CAMK2D: variants seen among roughly 807,000 people sequenced by gnomAD.
CAMK2D encodes calcium/calmodulin-dependent protein kinase type II subunit delta.
In CAMK2D, 37 loss-of-function variants were observed where a neutral mutation model predicts 84.0. That is an observed-to-expected ratio of 0.44 (90% CI 0.34 to 0.58). CAMK2D has a LOEUF of 0.58. Ranked by LOEUF, CAMK2D falls within the 20% of genes least tolerant of loss-of-function variation. The pLI is 0.02. For missense variants in CAMK2D, 448 were observed against 652.5 expected (o/e 0.69, Z 3.41); for synonymous variants, 202 against 212.5 (o/e 0.95, Z 0.43).
chr4:113,759,445 A>C, intron 1 of CAMK2D, 31 bp from the exon 2 acceptor site: 3 of 1,244,302 alleles, frequency 2.4e-6, no homozygotes, highest in Non-Finnish European at 3.4e-6. Context: ...GGTCATTAAT[A>C]TAACAGATAT....
At chr4:113,661,898 G>T (rs1326281193) in intron 2 of CAMK2D, 126 bp from the exon 3 acceptor site, 1 of 589,768 alleles carries the variant, frequency 1.7e-6, no homozygotes, top group Non-Finnish European at 3.1e-6. Flanking sequence ...TTGAAACAAT[G>T]ATAATTCAAA....
At chr4:113,611,961 A>G (rs2099002159) in intron 3 of CAMK2D, among the ~76,000 whole-genome samples, 1 of 152,152 alleles carries the variant, frequency 6.6e-6, no homozygotes, top group Non-Finnish European at 1.5e-5. Context: ...TGGGATTAAT[A>G]TATACATATT....
At chr4:113,496,112 A>G (rs1402939151) in intron 16 of CAMK2D, among the ~76,000 whole-genome samples, 2 of 152,192 alleles carry the variant, frequency 1.3e-5, no homozygotes, top group East Asian at 1.9e-4. Context: ...CGGTCTTCAC[A>G]TGTATACAGT....
intron 2 of CAMK2D, among the ~76,000 whole-genome samples, chr4:113,698,875 C>A (rs1273614739): frequency 6.6e-6 from 1 of 152,050 alleles, no homozygotes; most frequent in East Asian, 1.9e-4. Flanking sequence ...AGCAATTTCA[C>A]TTTGGAGAGT....
intron 2 of CAMK2D, among the ~76,000 whole-genome samples, chr4:113,716,247 A>T (rs1156279356): frequency 1.3e-5 from 2 of 152,090 alleles, no homozygotes; most frequent in Non-Finnish European, 2.9e-5. Flanking sequence ...ACAGTATTGT[A>T]CAAAAAAAAG....
intron 4 of CAMK2D, among the ~76,000 whole-genome samples, chr4:113,558,507 G>A (rs2098680963): frequency 2.0e-5 from 3 of 149,886 alleles, no homozygotes. Flanking sequence ...AAATAAATAA[G>A]TATACAGGAG....
chr4:113,522,473 A>T (rs2098373885), intron 8 of CAMK2D, among the ~76,000 whole-genome samples: 1 of 152,202 alleles, frequency 6.6e-6, no homozygotes, highest in Non-Finnish European at 1.5e-5. Flanking sequence ...TAAATGGCCA[A>T]TGAAGGGCAG....
At chr4:113,657,933 G>A (rs1218446725) in intron 3 of CAMK2D, among the ~76,000 whole-genome samples, 1 of 152,144 alleles carries the variant, frequency 6.6e-6, no homozygotes, top group African/African-American at 2.4e-5. Context: ...GAGGATAAGA[G>A]TCTGATATTA....
chr4:113,703,470 C>T (rs544776820), intron 2 of CAMK2D, among the ~76,000 whole-genome samples: 63 of 152,214 alleles, frequency 4.1e-4, no homozygotes, highest in South Asian at 2.3e-3. Flanking sequence ...GGATCACACG[C>T]GTGAGCCACT....
At chr4:113,691,351 T>C (rs1016732464) in intron 2 of CAMK2D, among the ~76,000 whole-genome samples, 8 of 152,194 alleles carry the variant, frequency 5.3e-5, no homozygotes, top group African/African-American at 1.9e-4. Context: ...ATTGGACAAC[T>C]AGCTGGAAAG....
At position 113,513,887 on chromosome 4, in the gene CAMK2D, C is replaced by T. The variant is rs777349770; in HGVS notation, c.846G>A (p.Met282Ile). The part of the protein sequence containing the change: ...ICQRSTVASM[M>I]HRQETVDCLK... ...AGCAGTCTACAGTCTCCTGTCTGTG[C>T]ATCATGGAAGCAACAGTAGAACGTT... Residue 282 changes from methionine to isoleucine, a missense_variant, in exon 11 of 21, where the codon ATG becomes ATA. Met to Ile is a conservative substitution (Grantham distance 10). Transcript: ENST00000511664. 1 of 1,587,946 alleles carries T rather than the reference C, an allele frequency of 6.3e-7. No homozygotes were observed. The highest frequency in any genetic ancestry group is 8.6e-7 in the Non-Finnish European group (1 of 1,159,120).
intron 4 of CAMK2D, among the ~76,000 whole-genome samples, chr4:113,589,984 A>G (rs980896627): frequency 2.6e-5 from 4 of 152,334 alleles, no homozygotes; most frequent in Admixed American, 2.6e-4. Context: ...AATTACCTCT[A>G]TGATATTTTG....
chr4:113,479,180 A>G (rs1436861742), intron 16 of CAMK2D, among the ~76,000 whole-genome samples: 1 of 152,222 alleles, frequency 6.6e-6, no homozygotes, highest in Non-Finnish European at 1.5e-5. Flanking sequence ...GGGACATTAT[A>G]TGTTATCGTT....
chr4:113,689,963 T>G (rs2099381273), intron 2 of CAMK2D, among the ~76,000 whole-genome samples: 1 of 152,160 alleles, frequency 6.6e-6, no homozygotes, highest in African/African-American at 2.4e-5. Context: ...AATAAATATT[T>G]TTTGAACATA....
chr4:113,756,049 T>C (rs2099627861), intron 2 of CAMK2D, among the ~76,000 whole-genome samples: 1 of 152,014 alleles, frequency 6.6e-6, no homozygotes, highest in African/African-American at 2.4e-5. Context: ...ATAATGAATG[T>C]TCTATGCACG....
At chr4:113,752,892 GA>G (rs1056319911) in intron 2 of CAMK2D, among the ~76,000 whole-genome samples, 1 of 152,076 alleles carries the variant, frequency 6.6e-6, no homozygotes, top group African/African-American at 2.4e-5. Flanking sequence ...TTTTCCCAAA[GA>G]AATACTCAAT....
rs560559247 is a variant in CAMK2D at position 113,602,348 on chromosome 4, C to T, written c.275+6804G>A. Among the ~76,000 whole-genome samples the T allele has an allele frequency of 9.8e-5, 15 of 152,298 alleles. No homozygotes were observed. In the East Asian group the frequency reaches 2.9e-3, roughly 29 times the overall value. ...TAATGAAGGGTAACAAAATATGTCA[C>T]TCCAAAGTATGCCACTTGTAAAAAT... On this transcript the variant is annotated intron_variant, in intron 4 of 20. Transcript: ENST00000511664.
At chr4:113,606,491 T>A (rs2098978087) in intron 4 of CAMK2D, among the ~76,000 whole-genome samples, 1 of 141,746 alleles carries the variant, frequency 7.1e-6, no homozygotes, top group African/African-American at 3.0e-5. Flanking sequence ...TGAGACTCTG[T>A]CTCAGAAAAA....
rs2154097497 is a variant in CAMK2D, at chr4:113,451,848, G to A, written c.*2697C>T. ...AGAGGGAAGGCAAGCCCAGAATAGG[G>A]CCTAGGAAGGTTTGCTGTGGAGCAT... On this transcript the variant is annotated 3_prime_UTR_variant, in exon 21 of 21. Coordinates refer to ENST00000511664, the MANE Select transcript of CAMK2D (RefSeq NM_001321571.2). 1 of 152,276 alleles carries A rather than the reference G, an allele frequency of 6.6e-6. No individual in the cohort carries two copies. The highest frequency in any genetic ancestry group is 2.1e-4 in the South Asian group (1 of 4,826). The allele number at this position is 152,276 out of a possible 1,614,324, so 9.4% of individuals were successfully genotyped here.
Sources: gnomAD v4.1 joint callset for allele counts (sites outside exome capture counted in the v4.1 genomes callset) on GRCh38, gnomAD v4.1.1 for gene constraint, MANE v1.5 for transcripts, NCBI Gene and HGNC (gene_info 2026-07-23, HGNC 2026-07-21) for gene names.